The following HDAC11 variants were observed in gnomAD, a reference collection of about 807,000 sequenced individuals.
HDAC11 encodes histone deacetylase 11.
Under a neutral mutation model 41.1 loss-of-function variants are expected in HDAC11, and 23 were observed. That is an observed-to-expected ratio of 0.56 (90% CI 0.40 to 0.79). HDAC11 has a LOEUF of 0.79. Among genes scored for constraint, HDAC11 ranks in the 30% least tolerant of loss-of-function variants. HDAC11 has a pLI of 0.00. For missense variants in HDAC11, 402 were observed against 477.3 expected (o/e 0.84, Z 1.47); for synonymous variants, 187 against 186.6 (o/e 1.00, Z -0.02).
At chr3:13,501,092 G>A (rs1702342247) in intron 6 of HDAC11, among the ~76,000 whole-genome samples, 1 of 152,228 alleles carries the variant, frequency 6.6e-6, no homozygotes, top group African/African-American at 2.4e-5. Flanking sequence ...GTAGGAAGAA[G>A]GGCATGGCTG....
chr3:13,490,691 G>A (rs931772596), intron 3 of HDAC11, among the ~76,000 whole-genome samples: 2 of 126,000 alleles, frequency 1.6e-5, no homozygotes, highest in Admixed American at 1.6e-4. Flanking sequence ...TGATTTTTTT[G>A]TGTTGATCTT....
At chr3:13,484,209 C>A (rs2597516) in intron 3 of HDAC11, among the ~76,000 whole-genome samples, 1 of 151,974 alleles carries the variant, frequency 6.6e-6, no homozygotes, top group Non-Finnish European at 1.5e-5. Flanking sequence ...GGTCATCTGC[C>A]CACCTCGGCC....
At position 13,503,781 on chromosome 3, in the gene HDAC11, G is replaced by C. The variant is rs532229756; in HGVS notation, c.650-313G>C. ...TTCTGAACAGAACCTCACATGTGCT[G>C]AGCCTGGGCTTAAGGGCAGGGCAGG... is the stretch of plus-strand genomic sequence containing the variant. On this transcript the variant is annotated intron_variant, in intron 8 of 9. Coordinates refer to ENST00000295757, the MANE Select transcript of HDAC11 (RefSeq NM_024827.4). 1.8e-4 allele frequency among the ~76,000 whole-genome samples: 27 copies of C among 152,268 alleles called. No individual in the cohort carries two copies. In the South Asian group the frequency reaches 4.8e-3, roughly 27 times the overall value.
At chr3:13,484,433 C>G (rs1346023077) in intron 3 of HDAC11, among the ~76,000 whole-genome samples, 1 of 152,230 alleles carries the variant, frequency 6.6e-6, no homozygotes, top group African/African-American at 2.4e-5. Flanking sequence ...TGCCCCTTCC[C>G]AAGGGGCGGC....
chr3:13,499,033 G>T (rs181107905), intron 5 of HDAC11, among the ~76,000 whole-genome samples: 43 of 151,908 alleles, frequency 2.8e-4, no homozygotes, highest in African/African-American at 9.7e-4. Context: ...GGTCCAGAGG[G>T]CCCGTGCTCC....
chr3:13,494,222 GT>G (rs1196966499), intron 3 of HDAC11, among the ~76,000 whole-genome samples: 3 of 152,216 alleles, frequency 2.0e-5, no homozygotes, highest in Non-Finnish European at 4.4e-5. Flanking sequence ...TCCAGTCTGT[GT>G]CCCCTGCTGG....
chr3:13,493,419 C>T (rs558606435), intron 3 of HDAC11, among the ~76,000 whole-genome samples: 4 of 152,356 alleles, frequency 2.6e-5, no homozygotes, highest in Non-Finnish European at 5.9e-5. Flanking sequence ...AGCGGTGCTG[C>T]CCTGTGGAAC....
At position 13,480,562 on chromosome 3, in the gene HDAC11, G is replaced by A; in HGVS notation, c.2+213G>A. The A allele has an allele frequency of 3.2e-6, 1 of 308,030 alleles. No homozygotes were observed. Among genetic ancestry groups the A allele is most frequent in the Non-Finnish European group, 6.2e-6 (1 of 161,074 alleles). 19.1% of individuals were successfully genotyped at this position (308,030 alleles called of 1,614,324 possible). A position where few individuals can be genotyped will look rare whatever the true frequency, so the allele number is the denominator to read the frequency against. On this transcript the variant is annotated intron_variant, in intron 1 of 9. Transcript: ENST00000295757. The surrounding 1 kb of genome is among the most constrained non-coding windows in gnomAD (Gnocchi z 4.6). ...CTGCTCGGTGGCCCGAGGGACGCGC[G>A]CCGGCCGCGGGCCTGGGCCCGGACC...
At chr3:13,487,314 G>A (rs927223898) in intron 3 of HDAC11, among the ~76,000 whole-genome samples, 4 of 152,158 alleles carry the variant, frequency 2.6e-5, no homozygotes, top group Admixed American at 2.6e-4. Flanking sequence ...GGTTTCTCAG[G>A]CTGCTTTTCC....
In HDAC11 at chr3:13,504,130, CAG is replaced by C; in HGVS notation, c.689_690del (p.Glu230GlyfsTer2). The C allele has an allele frequency of 1.2e-6, 2 of 1,614,074 alleles. No individual in the cohort carries two copies. The highest frequency in any genetic ancestry group is 1.7e-5 in the Admixed American group (1 of 60,012). On this transcript the variant is annotated frameshift_variant, in exon 9 of 10. Coordinates refer to ENST00000295757, the MANE Select transcript of HDAC11 (RefSeq NM_024827.4). LOFTEE classifies it high-confidence loss of function. Reference sequence around the variant, plus strand: ...CGGAAGGTGGAGCTGGAGTGGGGCACAGAGGATGATGAGTACCTGGATAAGGT... The same window carrying C: ...CGGAAGGTGGAGCTGGAGTGGGGCACAGGATGATGAGTACCTGGATAAGGT...
chr3:13,481,072 G>A (rs1040376258), intron 1 of HDAC11, 174 bp from the exon 2 acceptor site: 4 of 648,818 alleles, frequency 6.2e-6, no homozygotes, highest in Non-Finnish European at 1.0e-5. Flanking sequence ...GATTGGAATT[G>A]GGTTCCGGGA....
chr3:13,481,509 A>G (rs1361148120), intron 2 of HDAC11, 115 bp downstream of exon 2: 1 of 1,260,362 alleles, frequency 7.9e-7, no homozygotes, highest in Non-Finnish European at 1.1e-6. Flanking sequence ...CAGCCCTCGG[A>G]TGGCCTTCCA....
At chr3:13,490,546 T>C (rs559625184) in intron 3 of HDAC11, among the ~76,000 whole-genome samples, 8 of 152,238 alleles carry the variant, frequency 5.3e-5, no homozygotes, top group African/African-American at 1.9e-4. Context: ...AATGGACAAA[T>C]CTTGCACCTC....
chr3:13,491,000 C>T (rs892105571), intron 3 of HDAC11, among the ~76,000 whole-genome samples: 1 of 151,776 alleles, frequency 6.6e-6, no homozygotes, highest in African/African-American at 2.4e-5. Context: ...CTGCCCACCT[C>T]GGCCTCTCAA....
Position 13,496,731 on chromosome 3 carries a change from C to T in HDAC11, c.253-5C>T, listed in dbSNP as rs745977615. On this transcript the variant is annotated splice_polypyrimidine_tract_variant and splice_region_variant and intron_variant, in intron 3 of 9. Coordinates refer to ENST00000295757, the MANE Select transcript of HDAC11 (RefSeq NM_024827.4). ...GAGGCCAACAGCCCCTGTCTTTTTCCGCAGTGGTCCTTTGCTGTTGCTACC... is the reference window on the plus strand; with the variant it reads ...GAGGCCAACAGCCCCTGTCTTTTTCTGCAGTGGTCCTTTGCTGTTGCTACC... 9.4e-5 allele frequency: 149 copies of T among 1,586,622 alleles called. 2 individuals are homozygous for T. The Middle Eastern group carries it at 2.7e-3, about 28-fold the overall frequency.
intron 8 of HDAC11, 110 bp from the exon 9 acceptor site, chr3:13,503,984 A>G: frequency 1.0e-6 from 1 of 961,216 alleles, no homozygotes; most frequent in Non-Finnish European, 1.6e-6. Context: ...GAGGCTGAGC[A>G]GTGCTGAATC....
At chr3:13,491,780 G>A (rs548913716) in intron 3 of HDAC11, among the ~76,000 whole-genome samples, 10 of 152,372 alleles carry the variant, frequency 6.6e-5, no homozygotes, top group African/African-American at 7.2e-5. Context: ...GCCCTTTGGC[G>A]GGTGGTGGCG....
intron 5 of HDAC11, 48 bp downstream of exon 5, chr3:13,498,603 A>G: frequency 6.5e-7 from 1 of 1,533,786 alleles, no homozygotes; most frequent in Non-Finnish European, 9.0e-7. Context: ...GCTTGGTGGA[A>G]CTGGCCTGAA....
In HDAC11 at chr3:13,502,649, CT is replaced by C; in HGVS notation, c.553-234del. ...GGGTGGCAGAGCGGGATTTCTTCCT[CT>C]GATAGGGAACCTAAGAGCACTGGGC... On this transcript the variant is annotated intron_variant, in intron 7 of 9. Transcript: ENST00000295757. This position sits in a 1 kb window ranked among gnomAD's most constrained non-coding sequence, Gnocchi z 4.1. 1 of 450,916 alleles carries C rather than the reference CT, an allele frequency of 2.2e-6. No homozygotes were observed. The highest frequency in any genetic ancestry group is 2.5e-5 in the South Asian group (1 of 39,338). 27.9% of individuals were successfully genotyped at this position (450,916 alleles called of 1,614,324 possible).
Sources: gnomAD v4.1 joint callset for allele counts (sites outside exome capture counted in the v4.1 genomes callset) on GRCh38, gnomAD v4.1.1 for gene constraint, Gnocchi (gnomAD v3.1) non-coding constraint, MANE v1.5 for transcripts, NCBI Gene and HGNC (gene_info 2026-07-23, HGNC 2026-07-21) for gene names.